Variants in SPRR1A observed in about 807,000 individuals in gnomAD.
The protein encoded by SPRR1A is cornifin-A.
For synonymous variants in SPRR1A, 40 were observed against 39.2 expected (o/e 1.02, Z -0.07); for missense variants, 123 against 105.4 (o/e 1.17, Z -0.73).
downstream of SPRR1A, chr1:152,985,535 A>G (rs1488693728): frequency 1.9e-6 from 3 of 1,587,854 alleles, no homozygotes; most frequent in Admixed American, 1.8e-5. Context: ...GGAGCTGGCC[A>G]CTGGATACTG....
chr1:152,984,543 G>A (rs1056454940), upstream of SPRR1A, among the ~76,000 whole-genome samples: 4 of 152,080 alleles, frequency 2.6e-5, no homozygotes, highest in East Asian at 1.9e-4. Flanking sequence ...AATGCCTAAC[G>A]TACTTACTTA....
chr1:152,985,580 T>A, downstream of SPRR1A: 1 of 1,532,688 alleles, frequency 6.5e-7, no homozygotes, highest in Non-Finnish European at 8.8e-7. Context: ...GAATCCCATT[T>A]GCCTATTGAC....
At chr1:152,985,734 C>CGGG (rs1405390710), downstream of SPRR1A, among the ~76,000 whole-genome samples, 3 of 152,160 alleles carry the variant, frequency 2.0e-5, no homozygotes, top group Non-Finnish European at 4.4e-5. Context: ...TCTTGTTGCT[C>CGGG]GGGTGCATTT....
chr1:152,985,626 C>A (rs1044872237), downstream of SPRR1A: 5 of 1,454,464 alleles, frequency 3.4e-6, no homozygotes, highest in Non-Finnish European at 4.6e-6. Context: ...GAATCATAAT[C>A]GCTCCTTTGC....
chr1:152,984,368 C>T (rs1388164789), upstream of SPRR1A, among the ~76,000 whole-genome samples: 1 of 152,018 alleles, frequency 6.6e-6, no homozygotes, highest in Non-Finnish European at 1.5e-5. Context: ...TGTTCAAATG[C>T]CCATGGGAAG....
upstream of SPRR1A, among the ~76,000 whole-genome samples, chr1:152,984,906 A>C (rs898549828): frequency 6.6e-6 from 1 of 152,142 alleles, no homozygotes; most frequent in African/African-American, 2.4e-5. Flanking sequence ...TAATATGCGG[A>C]CCTCATGTCC....
At chr1:152,985,649 A>C, downstream of SPRR1A, 1 of 1,381,498 alleles carries the variant, frequency 7.2e-7, no homozygotes, top group Non-Finnish European at 9.7e-7. Flanking sequence ...CTCTAAAAAG[A>C]TGTCCCTTAC....
chr1:152,984,738 C>G (rs1051172950), upstream of SPRR1A, among the ~76,000 whole-genome samples: 2 of 151,864 alleles, frequency 1.3e-5, no homozygotes, highest in Non-Finnish European at 2.9e-5. Context: ...TTTGGACAAG[C>G]AGAGATGGGA....
upstream of SPRR1A, among the ~76,000 whole-genome samples, chr1:152,984,878 G>T (rs1557884531): frequency 6.6e-6 from 1 of 152,154 alleles, no homozygotes; most frequent in Non-Finnish European, 1.5e-5. Flanking sequence ...GTGGTCTGAT[G>T]CCATTTTCCA....
chr1:152,985,055 A>C (rs1652264908), upstream of SPRR1A, among the ~76,000 whole-genome samples: 1 of 152,140 alleles, frequency 6.6e-6, no homozygotes, highest in South Asian at 2.1e-4. Flanking sequence ...AAGGGCCTGA[A>C]AATTATCCAA....
upstream of SPRR1A, among the ~76,000 whole-genome samples, chr1:152,984,628 T>C (rs780999131): frequency 1.1e-4 from 17 of 152,114 alleles, no homozygotes; most frequent in Non-Finnish European, 2.4e-4. Context: ...GTAATTGGCA[T>C]GACGGAGATG....
chr1:152,985,255 C>A (rs1387473574), exon 1 of SPRR1A: 7 of 1,612,926 alleles, frequency 4.3e-6, no homozygotes, highest in East Asian at 2.2e-5. Flanking sequence ...GCAGAAGCAG[C>A]CTTGCACCCC....
At chr1:152,985,485 G>A in exon 1 of SPRR1A, 1 of 1,613,226 alleles carries the variant, frequency 6.2e-7, no homozygotes, top group Non-Finnish European at 8.5e-7. Flanking sequence ...CCCAGCAGAA[G>A]ACCAAGCAGA....
chr1:152,984,414 C>T (rs951417965), upstream of SPRR1A, among the ~76,000 whole-genome samples: 2 of 152,010 alleles, frequency 1.3e-5, no homozygotes, highest in African/African-American at 4.8e-5. Flanking sequence ...CCAGAGCACT[C>T]TCAGTAACAC....
chr1:152,985,444 C>T, exon 1 of SPRR1A: 1 of 1,613,904 alleles, frequency 6.2e-7, no homozygotes, highest in East Asian at 2.2e-5. Flanking sequence ...GGTGCCTGAG[C>T]CCTGCCCTTC....
chr1:152,985,743 T>C (rs545264313), downstream of SPRR1A, among the ~76,000 whole-genome samples: 5 of 152,302 alleles, frequency 3.3e-5, no homozygotes, highest in South Asian at 1.0e-3. Flanking sequence ...TCGGGTGCAT[T>C]TGAGGATGGA....
At chr1:152,985,429 C>T in exon 1 of SPRR1A, 2 of 1,607,516 alleles carry the variant, frequency 1.2e-6, no homozygotes, top group Middle Eastern at 1.7e-4. Flanking sequence ...GCCCTGCCAG[C>T]CCAAGGTGCC....
At chr1:152,984,990 A>G (rs1408376762), upstream of SPRR1A, among the ~76,000 whole-genome samples, 1 of 152,190 alleles carries the variant, frequency 6.6e-6, no homozygotes, top group African/African-American at 2.4e-5. Flanking sequence ...GGAGCCAAGA[A>G]GAGAACTCCA....
upstream of SPRR1A, among the ~76,000 whole-genome samples, chr1:152,984,194 C>A (rs1357063091): frequency 6.6e-6 from 1 of 152,184 alleles, no homozygotes. Context: ...TAGCTAAAGG[C>A]AAATATGTGT....
Sources: allele counts gnomAD v4.1 joint callset (sites outside exome capture counted in the v4.1 genomes callset), GRCh38; gene constraint gnomAD v4.1.1; transcripts MANE v1.5; gene names NCBI Gene and HGNC (gene_info 2026-07-23, HGNC 2026-07-21).